Variants in DOT1L observed in about 807,000 individuals in gnomAD.
The protein encoded by DOT1L is histone-lysine N-methyltransferase, H3 lysine-79 specific.
DOT1L carries 33 observed loss-of-function variants against 153.3 expected under a neutral mutation model. That is an observed-to-expected ratio of 0.22 (90% CI 0.16 to 0.29). The LOEUF is 0.29. Ranked by LOEUF, DOT1L falls within the 10% of genes least tolerant of loss-of-function variation. The pLI is 1.00. For missense variants in DOT1L, 1,847 were observed against 2,119.9 expected (o/e 0.87, Z 2.53); for synonymous variants, 1,135 against 965.1 (o/e 1.18, Z -3.26).
intron 18 of DOT1L, 181 bp from the exon 19 acceptor site, chr19:2,214,290 C>T (rs868709886): frequency 6.0e-5 from 65 of 1,075,334 alleles, no homozygotes; most frequent in Non-Finnish European, 8.2e-5. Flanking sequence ...CTCATCTGTC[C>T]GTGGGGGGCC....
intron 3 of DOT1L, among the ~76,000 whole-genome samples, chr19:2,186,253 T>C (rs2022503011): frequency 6.6e-6 from 1 of 152,252 alleles, no homozygotes; most frequent in Non-Finnish European, 1.5e-5. Context: ...TGCCTGAGGC[T>C]GCTGGGAGGG....
Position 2,216,727 on chromosome 19 carries a change from G to T in DOT1L, c.2370G>T (p.Thr790=), listed in dbSNP as rs1013645137. 1.3e-6 allele frequency: 2 copies of T among 1,597,598 alleles called. No individual in the cohort carries two copies. The highest frequency in any genetic ancestry group is 2.7e-5 in the African/African-American group (2 of 74,846). ...VLRRHLSQDH[T]VPGRPAASEL... The stretch of plus-strand genomic sequence containing the variant: ...GGCGGCACCTGAGCCAGGACCACAC[G>T]GTGCCCGGCAGGCCGGCTGCCAGTG... Residue 790 remains threonine, a synonymous_variant, in exon 20 of 28, where the codon ACG becomes ACT. Coordinates refer to ENST00000398665, the MANE Select transcript of DOT1L (RefSeq NM_032482.3).
chr19:2,206,872 T>C (rs1057494372), intron 10 of DOT1L, 75 bp downstream of exon 10: 13 of 1,454,262 alleles, frequency 8.9e-6, no homozygotes, highest in South Asian at 2.3e-5. Context: ...CCTAGGTCCC[T>C]CTTCCTTGAC....
chr19:2,206,862 C>G, intron 10 of DOT1L, 65 bp downstream of exon 10: 1 of 1,500,080 alleles, frequency 6.7e-7, no homozygotes, highest in South Asian at 1.1e-5. Flanking sequence ...ACGCAGTATT[C>G]CTAGGTCCCT....
Position 2,190,930 on chromosome 19 carries a change from T to C in DOT1L, c.265-82T>C. 7.4e-7 allele frequency: 1 copy of C among 1,343,990 alleles called. No homozygotes were observed. Among genetic ancestry groups the C allele is most frequent in the Non-Finnish European group, 1.0e-6 (1 of 985,826 alleles). The allele number at this position is 1,343,990 out of a possible 1,614,324, so 83.3% of individuals were successfully genotyped here. A position where few individuals can be genotyped will look rare whatever the true frequency, so the allele number is the denominator to read the frequency against. On this transcript the variant is annotated intron_variant, in intron 4 of 27. Coordinates refer to ENST00000398665, the MANE Select transcript of DOT1L (RefSeq NM_032482.3). This position sits in a 1 kb window ranked among gnomAD's most constrained non-coding sequence, Gnocchi z 4.8. Reference sequence around the variant, plus strand: ...CATGCAGCCGACTCCCTGCTTCCGCTGGGAAAGGTCCCGGGTCTTGGTGGT... The same window carrying C: ...CATGCAGCCGACTCCCTGCTTCCGCCGGGAAAGGTCCCGGGTCTTGGTGGT...
intron 7 of DOT1L, 82 bp downstream of exon 7, chr19:2,194,659 C>CGATGTTGGCACATG: frequency 7.2e-7 from 1 of 1,389,150 alleles, no homozygotes; most frequent in Non-Finnish European, 9.7e-7. Context: ...CCTTTCTTGC[C>CGATGTTGGCACATG]GATGTTGGCA....
chr19:2,222,110 C>T lies in DOT1L; in HGVS notation c.2941C>T (p.Arg981Cys), dbSNP rs896116925. The change falls in exon 24 of 28, where the codon CGC (arginine) becomes TGC (cysteine). Residue 981 changes from arginine to cysteine, a missense_variant. Arg to Cys is a radical substitution (Grantham distance 180, BLOSUM62 -3). This residue lies in a region of DOT1L where 934 missense variants were observed against 825.3 expected (regional missense o/e 1.13). Coordinates refer to ENST00000398665, the MANE Select transcript of DOT1L (RefSeq NM_032482.3). The surrounding 1 kb of genome is among the most constrained non-coding windows in gnomAD (Gnocchi z 6.5). ...GAGCCTTTTTGCCACCGTGGGGTCC[C>T]GCAGCTCCACGCCACAGCACCCCCT... ...SGSLFATVGS[R>C]SSTPQHPLLL... The T allele has an allele frequency of 6.8e-6, 11 of 1,613,200 alleles. No individual in the cohort carries two copies. The highest frequency in any genetic ancestry group is 2.2e-5 in the South Asian group (2 of 91,090).
intron 8 of DOT1L, 59 bp from the exon 9 acceptor site, chr19:2,202,641 G>C: frequency 6.5e-7 from 1 of 1,548,248 alleles, no homozygotes; most frequent in Non-Finnish European, 8.9e-7. Flanking sequence ...TGGCTGCGCC[G>C]GGTGGCTGTG....
chr19:2,185,885 G>A lies in DOT1L; in HGVS notation c.156G>A (p.Lys52=), dbSNP rs1457518944. 1.2e-6 allele frequency: 2 copies of A among 1,614,190 alleles called. No homozygotes were observed. The highest frequency in any genetic ancestry group is 8.5e-7 in the Non-Finnish European group (1 of 1,180,032). The change falls in exon 3 of 28, where the codon AAG becomes AAA. Residue 52 remains lysine (K), a synonymous_variant. Transcript: ENST00000398665. ...TCTGTGAAGAAATCCCGGATCTCAA[G>A]CTCGCTATGGAGAATTACGTTTTAA... The part of the protein sequence containing the change: ...RWVCEEIPDL[K]LAMENYVLID...
intron 7 of DOT1L, among the ~76,000 whole-genome samples, chr19:2,198,272 G>C (rs1599572229): frequency 6.6e-6 from 1 of 152,244 alleles, no homozygotes; most frequent in South Asian, 2.1e-4. Flanking sequence ...CAGAGGGTCT[G>C]TCAGGTGTGG....
rs751360495 is a variant in DOT1L at position 2,225,489 on chromosome 19, T to A, written c.3661+37T>A. ...GTGTTTTGCGGCGTGGCCAGGCCTG[T>A]CCGTGTGGCCGTGGTGCCCAGTCAG... On this transcript the variant is annotated intron_variant, in intron 26 of 27. Coordinates refer to ENST00000398665, the MANE Select transcript of DOT1L (RefSeq NM_032482.3). 3.7e-6 allele frequency: 6 copies of A among 1,601,962 alleles called. No individual in the cohort carries two copies. The East Asian group carries it at 1.1e-4, about 30-fold the overall frequency.
intron 1 of DOT1L, among the ~76,000 whole-genome samples, chr19:2,173,260 C>G (rs958592554): frequency 1.3e-5 from 2 of 152,182 alleles, no homozygotes; most frequent in African/African-American, 4.8e-5. Context: ...CACGCTGTGG[C>G]TTTGGCCTCA....
chr19:2,180,262 G>C (rs2022168896), intron 1 of DOT1L, among the ~76,000 whole-genome samples: 1 of 152,188 alleles, frequency 6.6e-6, no homozygotes, highest in African/African-American at 2.4e-5. Flanking sequence ...CTCCCAGCCA[G>C]GCTGGAGCTC....
At chr19:2,166,825 T>C (rs1176320432) in intron 1 of DOT1L, among the ~76,000 whole-genome samples, 1 of 152,236 alleles carries the variant, frequency 6.6e-6, no homozygotes, top group Non-Finnish European at 1.5e-5. Flanking sequence ...TGACCAGTGC[T>C]GCCGTCCAGG....
chr19:2,180,887 CA>C (rs991954511), intron 2 of DOT1L, 131 bp downstream of exon 2: 101 of 1,095,190 alleles, frequency 9.2e-5, no homozygotes, highest in Middle Eastern at 2.8e-4. Flanking sequence ...TGAAGCGGAT[CA>C]GGGGTGACTC....
At chr19:2,181,257 C>G (rs898905185) in intron 2 of DOT1L, among the ~76,000 whole-genome samples, 1 of 152,210 alleles carries the variant, frequency 6.6e-6, no homozygotes, top group African/African-American at 2.4e-5. Flanking sequence ...CCCATGGTGG[C>G]CGGCATTCTG....
chr19:2,201,763 T>C (rs572451305), intron 8 of DOT1L, among the ~76,000 whole-genome samples: 27 of 152,342 alleles, frequency 1.8e-4, no homozygotes, highest in Non-Finnish European at 3.2e-4. Flanking sequence ...ACATCTGGGC[T>C]CGGCCCAGGC....
At chr19:2,194,202 G>A (rs900257684) in intron 6 of DOT1L, among the ~76,000 whole-genome samples, 1 of 152,032 alleles carries the variant, frequency 6.6e-6, no homozygotes, top group East Asian at 1.9e-4. Context: ...ACAGAGTCTC[G>A]CTCAGTCGCC....
At position 2,230,241 on chromosome 19, in the gene DOT1L, G is replaced by C. The variant is rs558169744; in HGVS notation, c.*449G>C. 2.4e-6 allele frequency: 1 copy of C among 414,146 alleles called. No homozygotes were observed. 25.7% of individuals were successfully genotyped at this position (414,146 alleles called of 1,614,324 possible). A position where few individuals can be genotyped will look rare whatever the true frequency, so the allele number is the denominator to read the frequency against. On this transcript the variant is annotated 3_prime_UTR_variant, in exon 28 of 28. Coordinates refer to ENST00000398665, the MANE Select transcript of DOT1L (RefSeq NM_032482.3). ...GCTGACAACGCCGAACCCCGTTCTC[G>C]GAAACGCCGCCCGGCCGGCTCCCCC...
Sources: allele counts gnomAD v4.1 joint callset (sites outside exome capture counted in the v4.1 genomes callset), GRCh38; gene constraint gnomAD v4.1.1; regional missense constraint gnomAD v4.1.1; non-coding constraint Gnocchi (gnomAD v3.1); transcripts MANE v1.5; gene names NCBI Gene and HGNC (gene_info 2026-07-23, HGNC 2026-07-21).